SLX4IP: variants seen among roughly 807,000 people sequenced by gnomAD.
SLX4IP encodes the protein protein SLX4IP.
In SLX4IP, 34 loss-of-function variants were observed where a neutral mutation model predicts 32.9. The ratio of observed to expected loss-of-function variants is 1.03; its 90% CI spans 0.79 to 1.38. SLX4IP has a LOEUF of 1.38. SLX4IP is among the 40% of genes most tolerant of loss of function. The pLI is 0.00. For synonymous variants in SLX4IP, 172 were observed against 171.7 expected (o/e 1.00, Z -0.01); for missense variants, 444 against 479.0 (o/e 0.93, Z 0.68).
intron 2 of SLX4IP, among the ~76,000 whole-genome samples, chr20:10,551,759 A>G (rs1239628464): frequency 6.6e-6 from 1 of 152,224 alleles, no homozygotes; most frequent in Non-Finnish European, 1.5e-5. Flanking sequence ...GATCTCAACA[A>G]GCATGGAAGC....
chr20:10,442,084 A>G (rs900708646), intron 1 of SLX4IP, among the ~76,000 whole-genome samples: 2 of 152,248 alleles, frequency 1.3e-5, no homozygotes, highest in Admixed American at 6.5e-5. Context: ...AGAAAGAAGC[A>G]TAATAATTTC....
At chr20:10,599,557 C>CTT (rs541553428) in intron 5 of SLX4IP, among the ~76,000 whole-genome samples, 2 of 140,720 alleles carry the variant, frequency 1.4e-5, no homozygotes, top group Admixed American at 1.4e-4. Context: ...CCATGCCTGG[C>CTT]TTTTTTTTTT....
chr20:10,574,479 C>G (rs918977975), intron 4 of SLX4IP, among the ~76,000 whole-genome samples: 1 of 152,160 alleles, frequency 6.6e-6, no homozygotes, highest in Non-Finnish European at 1.5e-5. Context: ...TGCCTTTGTT[C>G]TGCTTCAAAT....
chr20:10,609,729 T>G (rs34042917), intron 6 of SLX4IP, among the ~76,000 whole-genome samples: 14,538 of 152,090 alleles, frequency 0.096, 935 homozygotes, highest in South Asian at 0.26. Flanking sequence ...CCGAAAGAGG[T>G]CTGTCTACCT....
chr20:10,583,064 A>G (rs2122528000), intron 4 of SLX4IP, among the ~76,000 whole-genome samples: 1 of 152,330 alleles, frequency 6.6e-6, no homozygotes, highest in South Asian at 2.1e-4. Context: ...ATAGGATCAT[A>G]TAATGAACCC....
chr20:10,578,444 C>T (rs1316426494), intron 4 of SLX4IP, among the ~76,000 whole-genome samples: 2 of 152,146 alleles, frequency 1.3e-5, no homozygotes. Flanking sequence ...AAATAATGTT[C>T]CATGGTATGG....
At chr20:10,509,764 A>G (rs2065790520) in intron 2 of SLX4IP, among the ~76,000 whole-genome samples, 1 of 151,612 alleles carries the variant, frequency 6.6e-6, no homozygotes, top group South Asian at 2.1e-4. Context: ...TGGTGCGATC[A>G]TAGCTCACTA....
intron 2 of SLX4IP, among the ~76,000 whole-genome samples, 159 bp from the exon 3 acceptor site, chr20:10,556,072 T>A (rs765300000): frequency 6.6e-6 from 1 of 152,244 alleles, no homozygotes; most frequent in East Asian, 1.9e-4. Flanking sequence ...AGTAGTAGAT[T>A]ATGACCTGTA....
intron 4 of SLX4IP, among the ~76,000 whole-genome samples, chr20:10,589,071 A>G (rs1226620388): frequency 6.6e-6 from 1 of 152,178 alleles, no homozygotes; most frequent in Non-Finnish European, 1.5e-5. Flanking sequence ...TTTATTTATC[A>G]ATTATACCCC....
chr20:10,517,275 G>A (rs1054742680), intron 2 of SLX4IP, among the ~76,000 whole-genome samples: 1 of 152,144 alleles, frequency 6.6e-6, no homozygotes, highest in Non-Finnish European at 1.5e-5. Context: ...CAGGGGTACT[G>A]CTCTGCCCCT....
Position 10,483,751 on chromosome 20 carries a change from G to A in SLX4IP, c.27+25520G>A, listed in dbSNP as rs1021078370. Among the ~76,000 whole-genome samples the A allele has an allele frequency of 2.0e-5, 3 of 151,960 alleles. No individual in the cohort carries two copies. In the South Asian group the frequency reaches 6.2e-4, roughly 32 times the overall value. On this transcript the variant is annotated intron_variant, in intron 2 of 7. Coordinates refer to ENST00000334534, the MANE Select transcript of SLX4IP (RefSeq NM_001009608.3). ...CATGCGACCCCAAAGTATGGCACAT[G>A]TGAAAACAGCAGAAGCATTAGTTCA...
At chr20:10,589,164 A>C (rs2066678244) in intron 4 of SLX4IP, among the ~76,000 whole-genome samples, 1 of 152,232 alleles carries the variant, frequency 6.6e-6, no homozygotes. Context: ...CAGTTTAAAA[A>C]TGTAGTTTTT....
chr20:10,595,616 A>C (rs1244851415), intron 4 of SLX4IP, among the ~76,000 whole-genome samples: 1 of 152,206 alleles, frequency 6.6e-6, no homozygotes, highest in Non-Finnish European at 1.5e-5. Flanking sequence ...AGTTGATTTC[A>C]TTAAAAGCAA....
chr20:10,502,946 A>C (rs1276272242), intron 2 of SLX4IP, among the ~76,000 whole-genome samples: 2 of 152,148 alleles, frequency 1.3e-5, no homozygotes, highest in Non-Finnish European at 2.9e-5. Context: ...AGCCCTTCAC[A>C]ATGGGCATCT....
At chr20:10,463,249 C>G (rs1278091612) in intron 2 of SLX4IP, among the ~76,000 whole-genome samples, 9 of 152,138 alleles carry the variant, frequency 5.9e-5, no homozygotes, top group African/African-American at 2.2e-4. Flanking sequence ...CAGATAATAC[C>G]TAGTTGAAAT....
chr20:10,508,256 C>T lies in SLX4IP; in HGVS notation c.28-47975C>T, dbSNP rs1437029846. Among the ~76,000 whole-genome samples the T allele has an allele frequency of 4.6e-5, 7 of 152,224 alleles. 1 individual carries two copies. Among genetic ancestry groups the T allele is most frequent in the Non-Finnish European group, 1.0e-4 (7 of 68,046 alleles). On this transcript the variant is annotated intron_variant, in intron 2 of 7. Transcript: ENST00000334534. ...TGGCGAGCACCTAGTTTGGGCTTAACACAGTGCTAGGCACAATGCCAATGC... is the reference window on the plus strand; with the variant it reads ...TGGCGAGCACCTAGTTTGGGCTTAATACAGTGCTAGGCACAATGCCAATGC...
At chr20:10,571,160 T>C (rs2122514640) in intron 4 of SLX4IP, among the ~76,000 whole-genome samples, 2 of 152,212 alleles carry the variant, frequency 1.3e-5, no homozygotes, top group African/African-American at 4.8e-5. Flanking sequence ...TTGGGCAGCA[T>C]AAAAGTGACC....
At chr20:10,512,656 A>T (rs1055730552) in intron 2 of SLX4IP, among the ~76,000 whole-genome samples, 3 of 141,842 alleles carry the variant, frequency 2.1e-5, no homozygotes, top group Non-Finnish European at 3.1e-5. Flanking sequence ...AGTATTTTTT[A>T]TATATAGTAT....
rs1283687123 is a variant in SLX4IP at position 10,560,798 on chromosome 20, A to T, written c.216A>T (p.Arg72Ser). The change falls in exon 4 of 8, where the codon AGA (arginine) becomes AGT (serine). Residue 72 changes from arginine (R) to serine (S), a missense_variant. Coordinates refer to ENST00000334534, the MANE Select transcript of SLX4IP (RefSeq NM_001009608.3). ...QHRPSNAEFT[R>S]SNPLSLKGYG... The stretch of plus-strand genomic sequence containing the variant: ...GGCCATCAAATGCAGAATTCACAAG[A>T]TCCAATCCCTTGTCCTTAAAAGGTA... 2 of 1,605,174 alleles carry T rather than the reference A, an allele frequency of 1.2e-6. No individual in the cohort carries two copies. Among genetic ancestry groups the T allele is most frequent in the Non-Finnish European group, 1.7e-6 (2 of 1,176,258 alleles).
Sources: allele counts gnomAD v4.1 joint callset (sites outside exome capture counted in the v4.1 genomes callset), GRCh38; gene constraint gnomAD v4.1.1; transcripts MANE v1.5; gene names NCBI Gene and HGNC (gene_info 2026-07-23, HGNC 2026-07-21).